LRIF1: variants seen among roughly 807,000 people sequenced by gnomAD.
The protein encoded by LRIF1 is ligand dependent nuclear receptor interacting factor 1.
In LRIF1, 32 loss-of-function variants were observed where a neutral mutation model predicts 52.7. That is an observed-to-expected ratio of 0.61 (90% CI 0.46 to 0.82). The LOEUF is 0.82. LRIF1 is among the 40% of genes least tolerant of loss of function. LRIF1 has a pLI of 0.00. For missense variants in LRIF1, 887 were observed against 892.0 expected (o/e 0.99, Z 0.07); for synonymous variants, 323 against 317.4 (o/e 1.02, Z -0.19).
the LRIF1 span, among the ~76,000 whole-genome samples, chr1:110,930,592 T>C: frequency 6.6e-6 from 1 of 152,136 alleles, no homozygotes; most frequent in Non-Finnish European, 1.5e-5. Context: ...GGTCCCACCT[T>C]TATGATCTCA....
intron 2 of LRIF1, among the ~76,000 whole-genome samples, chr1:110,950,870 A>G (rs902119305): frequency 2.0e-5 from 3 of 151,412 alleles, no homozygotes. Context: ...CCCAAAACCA[A>G]CTCTTTTACA....
At chr1:110,946,980 T>C (rs1335382162), downstream of LRIF1, among the ~76,000 whole-genome samples, 1 of 151,786 alleles carries the variant, frequency 6.6e-6, no homozygotes, top group African/African-American at 2.4e-5. Flanking sequence ...ATAACATTGT[T>C]CTCCTCCTCC....
rs1003356830 is a variant in LRIF1 at position 110,950,259 on chromosome 1, T to C, written c.1597-136A>G. ...TGATTGGTTTGTATTATCCTTGCCT[T>C]ACCACCCACACTCAAAAAACTGAAT... On this transcript the variant is annotated intron_variant, in intron 2 of 3. Transcript: ENST00000369763. 3 of 1,026,792 alleles carry C rather than the reference T, an allele frequency of 2.9e-6. No homozygotes were observed. In the Admixed American group the frequency reaches 9.2e-5, roughly 31 times the overall value. The allele number at this position is 1,026,792 out of a possible 1,614,324, so 63.6% of individuals were successfully genotyped here. A position where few individuals can be genotyped will look rare whatever the true frequency, so the allele number is the denominator to read the frequency against.
chr1:110,925,696 T>C, the LRIF1 span, among the ~76,000 whole-genome samples: 1 of 152,168 alleles, frequency 6.6e-6, no homozygotes, highest in Admixed American at 6.5e-5. Flanking sequence ...CATCATTCGT[T>C]ACATATAATA....
chr1:110,932,102 T>A, the LRIF1 span, among the ~76,000 whole-genome samples: 63,471 of 152,032 alleles, frequency 0.42, 14,305 homozygotes, highest in East Asian at 0.7. Flanking sequence ...TCTTCTAGGG[T>A]TTTTATGGTG....
chr1:110,957,890 T>C (rs1383904048), intron 1 of LRIF1, among the ~76,000 whole-genome samples: 1 of 152,238 alleles, frequency 6.6e-6, no homozygotes, highest in Non-Finnish European at 1.5e-5. Flanking sequence ...GTTTTCTTTT[T>C]AACCCATTTC....
intron 1 of LRIF1, among the ~76,000 whole-genome samples, chr1:110,957,127 AC>A (rs1658731472): frequency 6.6e-6 from 1 of 151,650 alleles, no homozygotes; most frequent in South Asian, 2.1e-4. Context: ...ACATTTCTTG[AC>A]CCTGTTTTTC....
chr1:110,889,167 T>G, the LRIF1 span, among the ~76,000 whole-genome samples: 1 of 152,334 alleles, frequency 6.6e-6, no homozygotes, highest in African/African-American at 2.4e-5. Context: ...TAGATGTGTC[T>G]TACTCTATGA....
the LRIF1 span, among the ~76,000 whole-genome samples, chr1:110,920,397 C>G: frequency 6.6e-6 from 1 of 152,012 alleles, no homozygotes; most frequent in Non-Finnish European, 1.5e-5. Flanking sequence ...ATGAAGGAAC[C>G]CTAAATGCAT....
downstream of LRIF1, chr1:110,943,737 GC>G (rs1157862642): frequency 6.6e-6 from 1 of 152,092 alleles, no homozygotes; most frequent in East Asian, 1.9e-4. Flanking sequence ...GCTCTCTTGT[GC>G]CTTAGAACCT....
chr1:110,906,071 GAA>G, the LRIF1 span, among the ~76,000 whole-genome samples: 1 of 151,572 alleles, frequency 6.6e-6, no homozygotes, highest in Non-Finnish European at 1.5e-5. Flanking sequence ...TATCATCAGA[GAA>G]AAATCTTCAC....
the LRIF1 span, among the ~76,000 whole-genome samples, chr1:110,881,603 A>C: frequency 6.6e-6 from 1 of 152,200 alleles, no homozygotes; most frequent in African/African-American, 2.4e-5. Context: ...ATATGCTTTC[A>C]TTTCTCTTGG....
chr1:110,917,637 TTTTTG>T, the LRIF1 span, among the ~76,000 whole-genome samples: 2 of 87,286 alleles, frequency 2.3e-5, no homozygotes, highest in Non-Finnish European at 2.2e-5. Flanking sequence ...TTTTTTTGTT[TTTTTG>T]TTTTTGTTTT....
At chr1:110,956,262 TAATC>T (rs1658697079) in intron 1 of LRIF1, among the ~76,000 whole-genome samples, 1 of 152,192 alleles carries the variant, frequency 6.6e-6, no homozygotes, top group African/African-American at 2.4e-5. Flanking sequence ...ATAGTGGTAC[TAATC>T]TGTACTCGAG....
chr1:110,958,514 T>C (rs1658810713), intron 1 of LRIF1, among the ~76,000 whole-genome samples: 1 of 152,196 alleles, frequency 6.6e-6, no homozygotes, highest in African/African-American at 2.4e-5. Context: ...AGAGGCTTTA[T>C]AATTTATTTT....
chr1:110,963,888 G>A lies in LRIF1; in HGVS notation c.-200C>T, dbSNP rs1435605082. The A allele has an allele frequency of 1.6e-5, 7 of 445,162 alleles. No individual in the cohort carries two copies. Among genetic ancestry groups the A allele is most frequent in the East Asian group, 1.4e-4 (4 of 29,018 alleles). 27.6% of individuals were successfully genotyped at this position (445,162 alleles called of 1,614,324 possible). A position where few individuals can be genotyped will look rare whatever the true frequency, so the allele number is the denominator to read the frequency against. ...AGGCTTCGGGACGAGGTCGCGCACC[G>A]CGCAGAAACCGGAAGGCTCCTGGCG... On this transcript the variant is annotated 5_prime_UTR_variant, in exon 1 of 4. Transcript: ENST00000369763.
downstream of LRIF1, chr1:110,944,361 TTGAGA>T (rs1376639261): frequency 6.6e-6 from 1 of 152,140 alleles, no homozygotes; most frequent in Admixed American, 6.5e-5. Context: ...GAACATAGGT[TTGAGA>T]TGTCTATTTA....
intron 1 of LRIF1, among the ~76,000 whole-genome samples, chr1:110,956,296 G>A (rs1419487921): frequency 6.6e-6 from 1 of 152,160 alleles, no homozygotes; most frequent in Non-Finnish European, 1.5e-5. Flanking sequence ...GTCACACCAA[G>A]CACAGATAAA....
Position 110,950,141 on chromosome 1 carries a change from A to G in LRIF1, c.1597-18T>C, listed in dbSNP as rs931818039. The G allele has an allele frequency of 3.8e-6, 6 of 1,590,384 alleles. No homozygotes were observed. Among genetic ancestry groups the G allele is most frequent in the Non-Finnish European group, 5.1e-6 (6 of 1,168,818 alleles). On this transcript the variant is annotated intron_variant, in intron 2 of 3. Coordinates refer to ENST00000369763, the MANE Select transcript of LRIF1 (RefSeq NM_018372.4). ...TTATGGATCTGGAATTAGGAAAAGA[A>G]AACACACAAACAATACTGCTAATTA...
Sources: gnomAD v4.1 joint callset for allele counts (sites outside exome capture counted in the v4.1 genomes callset) on GRCh38, gnomAD v4.1.1 for gene constraint, MANE v1.5 for transcripts, NCBI Gene and HGNC (gene_info 2026-07-23, HGNC 2026-07-21) for gene names.